The following ZNF517 variants were observed in gnomAD, a reference collection of about 807,000 sequenced individuals.
The protein encoded by ZNF517 is zinc finger protein 517.
In ZNF517, 12 loss-of-function variants were observed where a neutral mutation model predicts 12.1. The ratio of observed to expected loss-of-function variants is 0.99; its 90% CI spans 0.63 to 1.61. The LOEUF (loss-of-function observed/expected upper bound fraction) is 1.61. Ranked by LOEUF, ZNF517 falls within the 40% of genes most tolerant of loss-of-function variation. The pLI is 0.00. For missense variants in ZNF517, 781 were observed against 693.2 expected, an observed-to-expected ratio of 1.13 and a Z score of -1.42; for synonymous variants, 388 against 310.2, an observed-to-expected ratio of 1.25 and a Z score of -2.63.
At chr8:144,810,961 A>G (rs1477063955), downstream of ZNF517, 1 of 151,880 alleles carries the variant, frequency 6.6e-6, no homozygotes, top group Non-Finnish European at 1.5e-5. Context: ...ACAGCCCGCC[A>G]GGTTGAGTGG....
In ZNF517 at chr8:144,807,888, G is replaced by C; in HGVS notation, c.972G>C (p.Gln324His). 6.4e-7 allele frequency: 1 copy of C among 1,551,350 alleles called. No individual in the cohort carries two copies. The highest frequency in any genetic ancestry group is 1.2e-5 in the South Asian group (1 of 81,426). Residue 324 changes from glutamine to histidine, a missense_variant, in exon 5 of 5, where the codon CAG (glutamine) becomes CAC (histidine). Gln to His is a conservative substitution (Grantham distance 24, BLOSUM62 0). Coordinates refer to ENST00000359971, the MANE Select transcript of ZNF517 (RefSeq NM_213605.3). ...CCTACCGGTGCCTGCGGTGTGGGCA[G>C]CGCTTCATCCGAGGGTCCTCGCTCC... The part of the protein sequence containing the change: ...ERPYRCLRCG[Q>H]RFIRGSSLLK...
chr8:144,807,616 C>T lies in ZNF517; in HGVS notation c.700C>T (p.Gln234Ter), dbSNP rs773065131. The change falls in exon 5 of 5, where the codon CAG becomes TAG. Residue 234 changes from glutamine (Q) to a stop codon, truncating the protein, a stop_gained. Transcript: ENST00000359971. LOFTEE classifies it low-confidence loss of function (END_TRUNC). Reference protein sequence around the residue: ...QLIHTEEKPFQCGECGKAFRQ... With the variant: ...QLIHTEEKPF ...GATCCACACTGAGGAGAAGCCGTTC[C>T]AGTGCGGCGAGTGCGGGAAGGCCTT... 2 of 1,609,678 alleles carry T rather than the reference C, an allele frequency of 1.2e-6. No homozygotes were observed. Among genetic ancestry groups the T allele is most frequent in the East Asian group, 2.2e-5 (1 of 44,688 alleles).
rs529431964 is a variant in ZNF517 at position 144,804,023 on chromosome 8, C to T, written c.161-102C>T. 5 of 1,234,954 alleles carry T rather than the reference C, an allele frequency of 4.0e-6. No homozygotes were observed. The African/African-American group carries it at 4.5e-5, about 11-fold the overall frequency. The allele number at this position is 1,234,954 out of a possible 1,614,324, so 76.5% of individuals were successfully genotyped here. A position where few individuals can be genotyped will look rare whatever the true frequency, so the allele number is the denominator to read the frequency against. On this transcript the variant is annotated intron_variant, in intron 3 of 4. Transcript: ENST00000359971. ...CTTCTGGGATAGTGAATGTTCCTGA[C>T]CCACTCCAAGCACTCTGTGCCCTGA...
chr8:144,801,717 CCAAAAA>C (rs1249293628), intron 1 of ZNF517, among the ~76,000 whole-genome samples: 1 of 151,996 alleles, frequency 6.6e-6, no homozygotes, highest in Admixed American at 6.6e-5. Flanking sequence ...CCGCACCTGG[CCAAAAA>C]AGTGTTAAAT....
rs867952163 is a variant in ZNF517 at position 144,802,894 on chromosome 8, C to T, written c.-21C>T. On this transcript the variant is annotated 5_prime_UTR_variant, in exon 2 of 5. Transcript: ENST00000359971. ...GAATTCACTGTCTGTAGCATCTGCTCCTCCACAGAGGGACCCTGGAATGGC... is the reference window on the plus strand; with the variant it reads ...GAATTCACTGTCTGTAGCATCTGCTTCTCCACAGAGGGACCCTGGAATGGC... 2 of 1,613,978 alleles carry T rather than the reference C, an allele frequency of 1.2e-6. No homozygotes were observed. The highest frequency in any genetic ancestry group is 1.7e-6 in the Non-Finnish European group (2 of 1,179,962).
At chr8:144,800,854 A>G (rs1417456307) in intron 1 of ZNF517, among the ~76,000 whole-genome samples, 2 of 152,128 alleles carry the variant, frequency 1.3e-5, no homozygotes, top group Non-Finnish European at 2.9e-5. Flanking sequence ...TTTTTATTTG[A>G]GAGAGAACCT....
At position 144,807,736 on chromosome 8, in the gene ZNF517, T is replaced by G. The variant is rs753197788; in HGVS notation, c.820T>G (p.Ser274Ala). ...GECGKAFSRS[S>A]RLLQHQKFHT... ...GTGCGGCAAGGCCTTCAGCCGCAGCTCCCGGCTGCTGCAGCACCAGAAGTT... is the reference window on the plus strand; with the variant it reads ...GTGCGGCAAGGCCTTCAGCCGCAGCGCCCGGCTGCTGCAGCACCAGAAGTT... Residue 274 changes from serine (S) to alanine (A), a missense_variant, in exon 5 of 5, where the codon TCC (serine) becomes GCC (alanine). Coordinates refer to ENST00000359971, the MANE Select transcript of ZNF517 (RefSeq NM_213605.3). 3.1e-6 allele frequency: 5 copies of G among 1,611,976 alleles called. No homozygotes were observed. The Admixed American group carries it at 8.3e-5, about 27-fold the overall frequency.
Position 144,807,934 on chromosome 8 carries a change from G to A in ZNF517, c.1018G>A (p.Ala340Thr). The A allele has an allele frequency of 4.6e-6, 7 of 1,509,364 alleles. No homozygotes were observed. The highest frequency in any genetic ancestry group is 6.2e-6 in the Non-Finnish European group (7 of 1,132,646). The allele number at this position is 1,509,364 out of a possible 1,614,324, so 93.5% of individuals were successfully genotyped here. The change falls in exon 5 of 5, where the codon GCG becomes ACG. Residue 340 changes from alanine to threonine, a missense_variant. Ala to Thr is a moderately conservative substitution (Grantham distance 58). Coordinates refer to ENST00000359971, the MANE Select transcript of ZNF517 (RefSeq NM_213605.3). ...SSLLKHHRLH[A>T]QEGAQDGGVG... is the part of the protein sequence containing the mutation. ...GCTCCTGAAGCACCACCGGCTGCAC[G>A]CGCAGGAGGGTGCCCAGGACGGCGG...
chr8:144,800,675 T>C (rs1826914330), intron 1 of ZNF517: 5 of 985,272 alleles, frequency 5.1e-6, no homozygotes, highest in Non-Finnish European at 6.0e-6. Context: ...GTGGCCCTGC[T>C]CTTCCATGCG....
At chr8:144,800,699 C>T in intron 1 of ZNF517, 1 of 985,344 alleles carries the variant, frequency 1.0e-6, no homozygotes. Flanking sequence ...GCAGTCTGTG[C>T]CCTCTGTGCA....
rs1451717898 is a variant in ZNF517 at position 144,800,701 on chromosome 8, C to G, written c.-46+1764C>G. 4.1e-6 allele frequency: 4 copies of G among 985,210 alleles called. No homozygotes were observed. In the African/African-American group the frequency reaches 7.0e-5, roughly 17 times the overall value. The allele number at this position is 985,210 out of a possible 1,614,324, so 61.0% of individuals were successfully genotyped here. A position where few individuals can be genotyped will look rare whatever the true frequency, so the allele number is the denominator to read the frequency against. ...CTTCCATGCGTTTGCAGTCTGTGCC[C>G]TCTGTGCAGGGGTGATTCACGAATC... is the stretch of plus-strand genomic sequence containing the variant. On this transcript the variant is annotated intron_variant, in intron 1 of 4. Transcript: ENST00000359971.
At chr8:144,810,690 CCT>C (rs1411497739), downstream of ZNF517, 1 of 161,010 alleles carries the variant, frequency 6.2e-6, no homozygotes, top group Non-Finnish European at 1.4e-5. Flanking sequence ...CTGGCAGGTG[CCT>C]CTCTGAGTCT....
downstream of ZNF517, among the ~76,000 whole-genome samples, chr8:144,811,519 G>A (rs1019417077): frequency 3.2e-4 from 37 of 114,678 alleles, no homozygotes; most frequent in Non-Finnish European, 4.7e-4. Flanking sequence ...GCTGAGACAG[G>A]GTGGGAGAGA....
downstream of ZNF517, chr8:144,810,562 AT>A (rs1455115225): frequency 3.8e-6 from 1 of 260,742 alleles, no homozygotes; most frequent in Non-Finnish European, 7.3e-6. Flanking sequence ...AGTCTGGGCC[AT>A]GGGCAGGAAA....
chr8:144,807,571 A>G lies in ZNF517; in HGVS notation c.655A>G (p.Ile219Val), dbSNP rs1306229040. The change falls in exon 5 of 5, where the codon ATC (isoleucine) becomes GTC (valine). Residue 219 changes from isoleucine (I) to valine (V), a missense_variant. Physicochemically the swap from Ile to Val is conservative, Grantham distance 29. Transcript: ENST00000359971. ...ECGKAFKQSSILLRHQLIHTE... is the reference protein window; with the variant it reads ...ECGKAFKQSSVLLRHQLIHTE... ...CGGGAAGGCCTTCAAGCAAAGCTCCATCCTGCTGCGGCACCAGCTGATCCA... is the reference window on the plus strand; with the variant it reads ...CGGGAAGGCCTTCAAGCAAAGCTCCGTCCTGCTGCGGCACCAGCTGATCCA... 1.2e-6 allele frequency: 2 copies of G among 1,601,710 alleles called. No homozygotes were observed. Among genetic ancestry groups the G allele is most frequent in the East Asian group, 2.3e-5 (1 of 44,004 alleles).
At chr8:144,799,869 G>A (rs1382219479) in intron 1 of ZNF517, among the ~76,000 whole-genome samples, 3 of 152,270 alleles carry the variant, frequency 2.0e-5, no homozygotes, top group Non-Finnish European at 4.4e-5. Flanking sequence ...GAACCCGGGA[G>A]GCGGAGCTTG....
chr8:144,806,594 C>T (rs1459752125), intron 4 of ZNF517, among the ~76,000 whole-genome samples: 4 of 152,028 alleles, frequency 2.6e-5, no homozygotes, highest in Admixed American at 6.6e-5. Flanking sequence ...AAGCGATTCT[C>T]CTGCCTCAGC....
chr8:144,803,975 C>T (rs1007471435), intron 3 of ZNF517, 150 bp from the exon 4 acceptor site: 43 of 1,058,718 alleles, frequency 4.1e-5, no homozygotes, highest in Non-Finnish European at 5.2e-5. Context: ...CCCCCCATCT[C>T]CCCCTGGCCA....
chr8:144,810,181 G>T (rs553395144), downstream of ZNF517: 10 of 699,080 alleles, frequency 1.4e-5, no homozygotes, highest in Admixed American at 1.6e-4. Context: ...GGAGAGAAGG[G>T]TGTGGCCGGA....
Sources: allele counts gnomAD v4.1 joint callset (sites outside exome capture counted in the v4.1 genomes callset), GRCh38; gene constraint gnomAD v4.1.1; transcripts MANE v1.5; gene names NCBI Gene and HGNC (gene_info 2026-07-23, HGNC 2026-07-21).